Variants in CEP152 observed in about 807,000 individuals in gnomAD.
The protein encoded by CEP152 is centrosomal protein of 152 kDa.
In CEP152, 132 loss-of-function variants were observed where a neutral mutation model predicts 188.9. The observed-to-expected ratio is 0.70, with a 90% CI of 0.61 to 0.81. The LOEUF is 0.81. CEP152 is among the 30% of genes least tolerant of loss of function. The probability of loss-of-function intolerance (pLI) is 0.00; values close to 1 mark genes in which losing one functional copy is unlikely to be tolerated. For missense variants in CEP152, 1,914 were observed against 1,969.8 expected (o/e 0.97, Z 0.54); for synonymous variants, 649 against 666.6 (o/e 0.97, Z 0.41).
intron 6 of CEP152, among the ~76,000 whole-genome samples, chr15:48,794,907 C>T (rs1458263982): frequency 6.6e-6 from 1 of 152,212 alleles, no homozygotes; most frequent in East Asian, 1.9e-4. Context: ...CCCCCTGTAA[C>T]TACCCTGCCG....
At chr15:48,766,687 G>A (rs575430809) in intron 17 of CEP152, among the ~76,000 whole-genome samples, 1 of 152,150 alleles carries the variant, frequency 6.6e-6, no homozygotes, top group East Asian at 1.9e-4. Flanking sequence ...GGCTCTGAAC[G>A]AATGCTCCGT....
intron 2 of CEP152, among the ~76,000 whole-genome samples, chr15:48,804,195 G>T (rs1364703163): frequency 6.6e-6 from 1 of 152,250 alleles, no homozygotes; most frequent in Non-Finnish European, 1.5e-5. Flanking sequence ...GGCCAGGTGT[G>T]GCCAGGGCTT....
At position 48,760,215 on chromosome 15, in the gene CEP152, C is replaced by A. The variant is rs770824506; in HGVS notation, c.2614G>T (p.Glu872Ter). Residue 872 changes from glutamate to a stop codon, truncating the protein, a stop_gained, in exon 19 of 27, where the codon GAG (glutamate) becomes TAG (stop). Transcript: ENST00000380950. LOFTEE classifies it high-confidence loss of function. The part of the protein sequence containing the change: ...AHQRWLGELP[E>*]LAEYQALVKA... ...ACAAGTGCTTGATACTCTGCCAGCT[C>A]TGGTAGTTCTCCCAGCCATCGCTGA... 6.2e-7 allele frequency: 1 copy of A among 1,614,082 alleles called. No homozygotes were observed. The highest frequency in any genetic ancestry group is 1.7e-5 in the Admixed American group (1 of 60,020).
chr15:48,766,966 AT>A, intron 17 of CEP152, 93 bp downstream of exon 17: 1 of 1,523,626 alleles, frequency 6.6e-7, no homozygotes, highest in South Asian at 1.1e-5. Context: ...TACCTTCTCC[AT>A]TCACTTCTCT....
Position 48,788,855 on chromosome 15 carries a change from T to G in CEP152, c.1119A>C (p.Gln373His). The change falls in exon 9 of 27, where the codon CAA becomes CAC. Residue 373 changes from glutamine (Q) to histidine (H), a missense_variant. Coordinates refer to ENST00000380950, the MANE Select transcript of CEP152 (RefSeq NM_001194998.2). ...VMGLTKKYEEQVLSLQKNLDA... is the reference protein window; with the variant it reads ...VMGLTKKYEEHVLSLQKNLDA... ...CCAAATTCTTTTGTAAGGACAATAC[T>G]TGCTCTTCGTACTTCTTTGTGAGGC... The G allele has an allele frequency of 6.2e-7, 1 of 1,614,222 alleles. No individual in the cohort carries two copies. Among genetic ancestry groups the G allele is most frequent in the Non-Finnish European group, 8.5e-7 (1 of 1,180,030 alleles).
intron 19 of CEP152, among the ~76,000 whole-genome samples, chr15:48,757,008 T>C (rs1300686147): frequency 6.6e-6 from 1 of 152,226 alleles, no homozygotes; most frequent in Non-Finnish European, 1.5e-5. Context: ...AATGCACTTT[T>C]AGTGGCTAGA....
Position 48,803,891 on chromosome 15 carries a change from A to G in CEP152, c.87+1672T>C, listed in dbSNP as rs554063017. Among the ~76,000 whole-genome samples, 12 of 152,350 alleles carry G rather than the reference A, an allele frequency of 7.9e-5. No individual in the cohort carries two copies. The South Asian group carries it at 1.9e-3, about 24-fold the overall frequency. ...TCAAGAATCCCAGTGGCTAAACCCC[A>G]GCCAACTATCCAAGCCCAGTCATGA... On this transcript the variant is annotated intron_variant, in intron 2 of 26. Transcript: ENST00000380950.
In CEP152 at chr15:48,739,028, G is replaced by A. The variant is rs1344425295; in HGVS notation, c.4354C>T (p.His1452Tyr). 2.5e-6 allele frequency: 4 copies of A among 1,614,006 alleles called. No individual in the cohort carries two copies. Among genetic ancestry groups the A allele is most frequent in the Admixed American group, 3.3e-5 (2 of 59,994 alleles). The change falls in exon 27 of 27, where the codon CAC (histidine) becomes TAC (tyrosine). Residue 1452 changes from histidine to tyrosine, a missense_variant. His to Tyr is a moderately conservative substitution (Grantham distance 83, BLOSUM62 2). Transcript: ENST00000380950. ...ACATTCCTTGGCAAACTGTTTAGGT[G>A]CTTGCAACTACCATCCCCAAACTGG... ...EFQFGDGSCK[H>Y]LNSLPRNVSP...
At chr15:48,751,287 T>A (rs1454293757) in intron 21 of CEP152, among the ~76,000 whole-genome samples, 1 of 152,174 alleles carries the variant, frequency 6.6e-6, no homozygotes, top group African/African-American at 2.4e-5. Context: ...CTAAGTAACA[T>A]CCAAAACTTG....
rs372577074 is a variant in CEP152 at position 48,740,851 on chromosome 15, T to C, written c.4093+750A>G. The C allele has an allele frequency of 1.9e-4, 33 of 178,188 alleles. No individual in the cohort carries two copies. The East Asian group carries it at 5.5e-3, about 30-fold the overall frequency. The allele number at this position is 178,188 out of a possible 1,614,324, so 11.0% of individuals were successfully genotyped here. The stretch of plus-strand genomic sequence containing the variant: ...CCTGTTGTTGTTGCCCAGCTCAATA[T>C]TGAGGTTGGGGAAAGGAGGGGAGAA... On this transcript the variant is annotated intron_variant, in intron 26 of 26. Coordinates refer to ENST00000380950, the MANE Select transcript of CEP152 (RefSeq NM_001194998.2).
At chr15:48,807,904 T>TAAAG (rs1898088042) in intron 1 of CEP152, among the ~76,000 whole-genome samples, 5 of 151,536 alleles carry the variant, frequency 3.3e-5, no homozygotes, top group Non-Finnish European at 7.4e-5. Flanking sequence ...GGTTTTGTTT[T>TAAAG]TAAAGAGAAT....
rs79760845 is a variant in CEP152 at position 48,730,159 on chromosome 15, G to A, written c.142+11472C>T. ...TCTTACCAGGGGCTGCTCCCATTCC[G>A]CTCCCCAGCTTGATCAGTGAGGTAG... On this transcript the variant is annotated intron_variant and NMD_transcript_variant, in intron 2 of 3. Coordinates refer to the CEP152 transcript ENST00000561245. 1.3e-3 allele frequency among the ~76,000 whole-genome samples: 194 copies of A among 152,228 alleles called. 7 individuals carry two copies. In the East Asian group the frequency reaches 0.035, roughly 27 times the overall value.
chr15:48,809,294 T>G (rs2899422), intron 1 of CEP152, among the ~76,000 whole-genome samples: 54,445 of 151,982 alleles, frequency 0.36, 10,648 homozygotes, highest in Middle Eastern at 0.47. Context: ...GAATACCCAC[T>G]GTGTTCCAGA....
Position 48,741,778 on chromosome 15 carries a change from T to A in CEP152, c.3990-74A>T, listed in dbSNP as rs1235476177. 9.9e-6 allele frequency: 16 copies of A among 1,611,056 alleles called. No individual in the cohort carries two copies. The East Asian group carries it at 3.6e-4, about 36-fold the overall frequency. On this transcript the variant is annotated intron_variant, in intron 25 of 26. Coordinates refer to ENST00000380950, the MANE Select transcript of CEP152 (RefSeq NM_001194998.2). Reference sequence around the variant, plus strand: ...AGTTGCCTTAGCCCCATGGTTTCTGTTTTCCTATTGGCTCTGCCAACATTT... The same window carrying A: ...AGTTGCCTTAGCCCCATGGTTTCTGATTTCCTATTGGCTCTGCCAACATTT...
intron 17 of CEP152, among the ~76,000 whole-genome samples, chr15:48,765,425 T>G (rs1470740237): frequency 6.6e-6 from 1 of 151,652 alleles, no homozygotes; most frequent in Non-Finnish European, 1.5e-5. Context: ...TAAGTTTGGT[T>G]TTTTTTTGAA....
At chr15:48,750,351 A>G (rs1893783412) in intron 21 of CEP152, among the ~76,000 whole-genome samples, 1 of 152,194 alleles carries the variant, frequency 6.6e-6, no homozygotes, top group African/African-American at 2.4e-5. Context: ...AAAGTAGACT[A>G]TTAACATAAG....
chr15:48,762,284 A>T (rs1475759113), intron 18 of CEP152, 107 bp downstream of exon 18: 1 of 1,128,860 alleles, frequency 8.9e-7, no homozygotes, highest in Non-Finnish European at 1.3e-6. Context: ...AATGCACAAA[A>T]TCTTAAAAGT....
downstream of CEP152, among the ~76,000 whole-genome samples, chr15:48,732,946 C>T (rs1291582854): frequency 2.0e-5 from 3 of 151,804 alleles, no homozygotes; most frequent in Non-Finnish European, 4.4e-5. Context: ...AAAAAATTAG[C>T]CAGGCATGGT....
intron 26 of CEP152, among the ~76,000 whole-genome samples, chr15:48,739,778 A>C (rs1892825855): frequency 6.6e-6 from 1 of 152,240 alleles, no homozygotes; most frequent in East Asian, 1.9e-4. Context: ...CAAAGCAGCC[A>C]CATAGCATGA....
Sources: allele counts gnomAD v4.1 joint callset (sites outside exome capture counted in the v4.1 genomes callset), GRCh38; gene constraint gnomAD v4.1.1; transcripts MANE v1.5; gene names NCBI Gene and HGNC (gene_info 2026-07-23, HGNC 2026-07-21).